The following KIAA1217 variants were observed in gnomAD, a reference collection of about 807,000 sequenced individuals.
KIAA1217 encodes KIAA1217.
Under a neutral mutation model 163.9 loss-of-function variants are expected in KIAA1217, and 88 were observed. That is an observed-to-expected ratio of 0.54 (90% confidence interval 0.45 to 0.64). The LOEUF (loss-of-function observed/expected upper bound fraction) is 0.64, where lower values mean the gene tolerates loss of function less well. KIAA1217 is among the 30% of genes least tolerant of loss of function. The probability of loss-of-function intolerance (pLI) is 0.00; values close to 1 mark genes in which losing one functional copy is unlikely to be tolerated. For missense variants in KIAA1217, 2,372 were observed against 2,475.0 expected (o/e 0.96, Z 0.88); for synonymous variants, 903 against 923.1 (o/e 0.98, Z 0.39).
chr10:24,441,542 A>G (rs2060497576), intron 5 of KIAA1217, among the ~76,000 whole-genome samples: 1 of 152,132 alleles, frequency 6.6e-6, no homozygotes, highest in Non-Finnish European at 1.5e-5. Flanking sequence ...CGTGGAATGC[A>G]TGCTTGGTGG....
intron 3 of KIAA1217, among the ~76,000 whole-genome samples, chr10:24,386,891 G>T (rs1486379072): frequency 6.6e-6 from 1 of 152,178 alleles, no homozygotes; most frequent in East Asian, 1.9e-4. Context: ...AAAGATAAAA[G>T]AATTTTAAAC....
At chr10:23,814,280 C>T (rs1011218462) in intron 1 of KIAA1217, among the ~76,000 whole-genome samples, 1 of 152,124 alleles carries the variant, frequency 6.6e-6, no homozygotes, top group Non-Finnish European at 1.5e-5. Context: ...TCTGGGTAAT[C>T]TCCTCGAGGG....
intron 2 of KIAA1217, among the ~76,000 whole-genome samples, chr10:24,372,635 AT>A (rs1303098045): frequency 2.6e-5 from 4 of 152,192 alleles, no homozygotes; most frequent in Non-Finnish European, 5.9e-5. Context: ...ATAAATCTAA[AT>A]CTAAAATAAA....
intron 1 of KIAA1217, among the ~76,000 whole-genome samples, chr10:23,712,989 A>G (rs1376981174): frequency 2.0e-5 from 3 of 152,126 alleles, no homozygotes; most frequent in Non-Finnish European, 4.4e-5. Flanking sequence ...TGCGGCTTGC[A>G]GGCATTTGGT....
chr10:23,888,900 G>A (rs1374179680), intron 1 of KIAA1217, among the ~76,000 whole-genome samples: 2 of 151,758 alleles, frequency 1.3e-5, no homozygotes, highest in Admixed American at 1.3e-4. Context: ...TAGCACTAGT[G>A]ATTAGTTTTC....
At chr10:23,748,723 G>A (rs540591871) in intron 1 of KIAA1217, among the ~76,000 whole-genome samples, 9 of 152,152 alleles carry the variant, frequency 5.9e-5, no homozygotes, top group Middle Eastern at 3.4e-3. Context: ...TACAGGTAAC[G>A]TTTCTTCTTC....
chr10:23,950,539 TCTAG>T (rs1284488348), intron 1 of KIAA1217, among the ~76,000 whole-genome samples: 1 of 151,980 alleles, frequency 6.6e-6, no homozygotes, highest in Non-Finnish European at 1.5e-5. Context: ...CCGGGCCTGC[TCTAG>T]GGGTTTACTG....
chr10:24,094,729 G>A (rs970820678), intron 2 of KIAA1217, among the ~76,000 whole-genome samples: 9 of 152,206 alleles, frequency 5.9e-5, no homozygotes, highest in African/African-American at 1.9e-4. Flanking sequence ...CAGATCTCCA[G>A]CTGCGTGCTG....
chr10:24,511,281 G>T (rs539656687), intron 9 of KIAA1217, among the ~76,000 whole-genome samples: 1 of 151,918 alleles, frequency 6.6e-6, no homozygotes, highest in African/African-American at 2.4e-5. Flanking sequence ...ATTGCCCAGC[G>T]CCTGGAGAAT....
chr10:24,321,888 C>T (rs1164232714), intron 2 of KIAA1217, among the ~76,000 whole-genome samples: 3 of 152,040 alleles, frequency 2.0e-5, no homozygotes, highest in Non-Finnish European at 4.4e-5. Context: ...GCCACTGAAC[C>T]GGACGCTCAA....
chr10:24,485,175 C>A (rs572262490), intron 6 of KIAA1217, among the ~76,000 whole-genome samples: 1 of 151,714 alleles, frequency 6.6e-6, no homozygotes, highest in Non-Finnish European at 1.5e-5. Context: ...TCCCTTCCAA[C>A]CAGAAACTTA....
chr10:24,401,019 G>A (rs2056469360), intron 3 of KIAA1217, among the ~76,000 whole-genome samples: 1 of 136,118 alleles, frequency 7.3e-6, no homozygotes, highest in African/African-American at 3.4e-5. Context: ...TGGAGAAACT[G>A]CAAAACATCA....
intron 1 of KIAA1217, among the ~76,000 whole-genome samples, chr10:23,754,620 C>T (rs965907355): frequency 6.6e-6 from 1 of 152,156 alleles, no homozygotes; most frequent in African/African-American, 2.4e-5. Flanking sequence ...TAGCTTCTCC[C>T]GCTCTCTCTA....
intron 1 of KIAA1217, among the ~76,000 whole-genome samples, chr10:23,751,317 C>T (rs563096394): frequency 4.6e-5 from 7 of 152,246 alleles, no homozygotes; most frequent in African/African-American, 7.2e-5. Flanking sequence ...TGTGAGCCAC[C>T]GTGCCTGGCG....
chr10:24,462,430 G>A (rs550301392), intron 5 of KIAA1217, among the ~76,000 whole-genome samples: 15 of 152,206 alleles, frequency 9.9e-5, no homozygotes, highest in East Asian at 3.9e-4. Context: ...CAGTGATCAC[G>A]CGTGGGCAGG....
intron 2 of KIAA1217, among the ~76,000 whole-genome samples, chr10:24,011,396 A>G (rs1447536967): frequency 3.3e-5 from 5 of 152,138 alleles, no homozygotes; most frequent in Admixed American, 6.6e-5. Context: ...CTGAGGTGGG[A>G]GGATCACTTG....
chr10:24,501,792 A>C (rs1236018889), intron 9 of KIAA1217, among the ~76,000 whole-genome samples: 1 of 110,162 alleles, frequency 9.1e-6, no homozygotes, highest in Non-Finnish European at 1.7e-5. Flanking sequence ...TTTGTCCCCC[A>C]GGCTGGAGTG....
In KIAA1217 at chr10:23,999,696, C is replaced by T. The variant is rs543457381; in HGVS notation, c.-320-7529C>T. ...AGGAGTTTTGAATGGTGGACTCTCCCGCAATATTCAGTATAGAAGGGGAAA... is the reference window on the plus strand; with the variant it reads ...AGGAGTTTTGAATGGTGGACTCTCCTGCAATATTCAGTATAGAAGGGGAAA... On this transcript the variant is annotated intron_variant, in intron 1 of 18. Coordinates refer to the KIAA1217 transcript ENST00000376462. 3.2e-4 allele frequency among the ~76,000 whole-genome samples: 49 copies of T among 152,200 alleles called. No individual in the cohort carries two copies. The South Asian group carries it at 9.4e-3, about 29-fold the overall frequency.
At chr10:24,119,520 G>T (rs912200150) in intron 2 of KIAA1217, among the ~76,000 whole-genome samples, 1 of 152,166 alleles carries the variant, frequency 6.6e-6, no homozygotes, top group Non-Finnish European at 1.5e-5. Context: ...TAATATCTTG[G>T]GTTGCACTAT....
Sources: allele counts gnomAD v4.1 joint callset (sites outside exome capture counted in the v4.1 genomes callset), GRCh38; gene constraint gnomAD v4.1.1; transcripts MANE v1.5; gene names NCBI Gene and HGNC (gene_info 2026-07-23, HGNC 2026-07-21).